Variants in HHIPL1 observed in about 807,000 individuals in gnomAD.
The protein encoded by HHIPL1 is HHIP-like protein 1.
HHIPL1 carries 43 observed loss-of-function variants against 61.8 expected under a neutral mutation model. That is an observed-to-expected ratio of 0.70 (90% CI 0.55 to 0.90). The LOEUF is 0.90. Among genes scored for constraint, HHIPL1 ranks in the 40% least tolerant of loss-of-function variants. HHIPL1 has a pLI of 0.00. For missense variants in HHIPL1, 1,056 were observed against 1,157.7 expected, an observed-to-expected ratio of 0.91 and a Z score of 1.28; for synonymous variants, 482 against 515.8, an observed-to-expected ratio of 0.93 and a Z score of 0.89.
chr14:99,633,579 A>G, the HHIPL1 span, among the ~76,000 whole-genome samples: 2 of 152,324 alleles, frequency 1.3e-5, no homozygotes, highest in African/African-American at 4.8e-5. Flanking sequence ...TTGGATTTGC[A>G]CTGCGGAGGG....
At chr14:99,645,775 C>T (rs1223145233) in intron 1 of HHIPL1, among the ~76,000 whole-genome samples, 1 of 152,218 alleles carries the variant, frequency 6.6e-6, no homozygotes, top group Non-Finnish European at 1.5e-5. Flanking sequence ...TGCCCCAGTC[C>T]CCTGGAGTCG....
the HHIPL1 span, among the ~76,000 whole-genome samples, chr14:99,613,062 C>T: frequency 2.6e-5 from 4 of 152,126 alleles, no homozygotes; most frequent in African/African-American, 9.7e-5. Flanking sequence ...CCTCCCAGCC[C>T]CCTCCTGTTT....
upstream of HHIPL1, among the ~76,000 whole-genome samples, chr14:99,641,507 A>G (rs1225579149): frequency 6.7e-6 from 1 of 150,336 alleles, no homozygotes; most frequent in Non-Finnish European, 1.5e-5. Flanking sequence ...TCCACCTCCC[A>G]GGTTCAAGCA....
chr14:99,660,416 C>G lies in HHIPL1; in HGVS notation c.1502+10C>G. On this transcript the variant is annotated intron_variant, in intron 5 of 8. Transcript: ENST00000330710. This position sits in a 1 kb window ranked among gnomAD's most constrained non-coding sequence, Gnocchi z 4.9. ...GGGATTTCATGAGCGGGTAAGTGAC[C>G]TAGTGCCCTCGCGCCCCTGGCTGCT... The G allele has an allele frequency of 4.4e-6, 7 of 1,608,140 alleles. No individual in the cohort carries two copies. Among genetic ancestry groups the G allele is most frequent in the Non-Finnish European group, 5.1e-6 (6 of 1,175,838 alleles).
rs1176476983 is a variant in HHIPL1, at chr14:99,659,317, A to G, written c.1047-111A>G. 7.4e-6 allele frequency: 6 copies of G among 815,250 alleles called. No homozygotes were observed. In the Admixed American group the frequency reaches 2.4e-4, roughly 33 times the overall value. The allele number at this position is 815,250 out of a possible 1,614,324, so 50.5% of individuals were successfully genotyped here. A position where few individuals can be genotyped will look rare whatever the true frequency, so the allele number is the denominator to read the frequency against. On this transcript the variant is annotated intron_variant, in intron 3 of 8. Transcript: ENST00000330710. ...GTCTCTGGCCCCACAGCCTAGGCTCACCCTGCACCTGGCTCAGCGGTCAGC... is the reference window on the plus strand; with the variant it reads ...GTCTCTGGCCCCACAGCCTAGGCTCGCCCTGCACCTGGCTCAGCGGTCAGC...
At chr14:99,650,953 A>G (rs530065147) in intron 1 of HHIPL1, among the ~76,000 whole-genome samples, 1 of 149,668 alleles carries the variant, frequency 6.7e-6, no homozygotes, top group African/African-American at 2.4e-5. Flanking sequence ...TCTCATCGCT[A>G]TAAAGAAATA....
the HHIPL1 span, among the ~76,000 whole-genome samples, chr14:99,627,366 A>ATCCATCCATCCG: frequency 0.011 from 1,687 of 151,712 alleles, 39 homozygotes; most frequent in African/African-American, 0.039. This position sits in a 1 kb window ranked among gnomAD's most constrained non-coding sequence, Gnocchi z 4.4. Flanking sequence ...CCATCCATCC[A>ATCCATCCATCCG]TCCGTCCATC....
In HHIPL1 at chr14:99,675,555, G is replaced by C. The variant is rs1236823459; in HGVS notation, c.2278G>C (p.Val760Leu). The C allele has an allele frequency of 2.6e-6, 4 of 1,539,210 alleles. No individual in the cohort carries two copies. Among genetic ancestry groups the C allele is most frequent in the East Asian group, 4.9e-5 (2 of 40,828 alleles). The change falls in exon 9 of 9, where the codon GTG becomes CTG. Residue 760 changes from valine (V) to leucine (L), a missense_variant. Val to Leu is a conservative substitution (Grantham distance 32). Transcript: ENST00000330710. The surrounding 1 kb of genome is among the most constrained non-coding windows in gnomAD (Gnocchi z 5.4). ...CCTGCTGGAGTGCCAGCACAACGGC[G>C]TGGGCACCCACAACTGCGAGCACGA... ...RNLLECQHNG[V>L]GTHNCEHDED...
intron 1 of HHIPL1, among the ~76,000 whole-genome samples, chr14:99,649,806 CAAAT>C (rs1037780197): frequency 2.6e-5 from 4 of 152,160 alleles, no homozygotes; most frequent in Non-Finnish European, 5.9e-5. Context: ...AAAAAATAAA[CAAAT>C]AAAATAAAAT....
intron 8 of HHIPL1, 132 bp from the exon 9 acceptor site, chr14:99,674,959 T>G (rs2056369328): frequency 8.4e-6 from 3 of 356,122 alleles, no homozygotes; most frequent in Non-Finnish European, 1.2e-5. Flanking sequence ...TGGGTGTGAG[T>G]GCAGGACAGA....
At chr14:99,620,959 C>A in the HHIPL1 span, among the ~76,000 whole-genome samples, 1 of 152,244 alleles carries the variant, frequency 6.6e-6, no homozygotes, top group African/African-American at 2.4e-5. Flanking sequence ...CTGTCCCAGG[C>A]TCAAGGTAGT....
In HHIPL1 at chr14:99,645,182, C is replaced by T; in HGVS notation, c.-26C>T. The T allele has an allele frequency of 1.6e-6, 2 of 1,264,218 alleles. No individual in the cohort carries two copies. The highest frequency in any genetic ancestry group is 2.8e-5 in the South Asian group (1 of 36,108). The allele number at this position is 1,264,218 out of a possible 1,614,324, so 78.3% of individuals were successfully genotyped here. A position where few individuals can be genotyped will look rare whatever the true frequency, so the allele number is the denominator to read the frequency against. ...GAGGGGACCGGGGCTGCCGTCCCTC[C>T]GCCTCTTCCCCCGCGGGGCGTAGCG... On this transcript the variant is annotated 5_prime_UTR_variant, in exon 1 of 9. Coordinates refer to ENST00000330710, the MANE Select transcript of HHIPL1 (RefSeq NM_001127258.3).
chr14:99,606,004 C>G, the HHIPL1 span, among the ~76,000 whole-genome samples: 4 of 152,164 alleles, frequency 2.6e-5, no homozygotes, highest in Admixed American at 2.6e-4. Flanking sequence ...AGCAACATGA[C>G]CTGGTTTACC....
chr14:99,645,547 G>T, intron 1 of HHIPL1, 85 bp downstream of exon 1: 1 of 1,211,388 alleles, frequency 8.3e-7, no homozygotes, highest in East Asian at 3.4e-5. Context: ...GGGGGCGAGG[G>T]CCAAGAGTGG....
At chr14:99,656,968 G>T (rs757386964) in intron 2 of HHIPL1, 32 bp from the exon 3 acceptor site, 1 of 1,556,318 alleles carries the variant, frequency 6.4e-7, no homozygotes, top group African/African-American at 1.4e-5. Context: ...TGCGTGGAAG[G>T]CTGAGTTTTA....
At chr14:99,638,303 C>T in the HHIPL1 span, among the ~76,000 whole-genome samples, 1 of 152,192 alleles carries the variant, frequency 6.6e-6, no homozygotes, top group African/African-American at 2.4e-5. Context: ...ACAGATTCAC[C>T]AACACCTTGG....
chr14:99,654,349 A>G (rs952237382), intron 2 of HHIPL1, among the ~76,000 whole-genome samples: 2 of 152,196 alleles, frequency 1.3e-5, no homozygotes, highest in African/African-American at 4.8e-5. Flanking sequence ...CACCCAGTGG[A>G]AGCTGGAGCC....
At chr14:99,616,417 C>A in the HHIPL1 span, among the ~76,000 whole-genome samples, 1 of 152,122 alleles carries the variant, frequency 6.6e-6, no homozygotes, top group Non-Finnish European at 1.5e-5. Flanking sequence ...TATGGTGTAG[C>A]ATTATTGGGA....
the HHIPL1 span, among the ~76,000 whole-genome samples, chr14:99,629,226 G>T: frequency 6.6e-6 from 1 of 152,226 alleles, no homozygotes; most frequent in Non-Finnish European, 1.5e-5. Flanking sequence ...CCAGGGGACT[G>T]TTTCATATCA....
Sources: gnomAD v4.1 joint callset for allele counts (sites outside exome capture counted in the v4.1 genomes callset) on GRCh38, gnomAD v4.1.1 for gene constraint, Gnocchi (gnomAD v3.1) non-coding constraint, MANE v1.5 for transcripts, NCBI Gene and HGNC (gene_info 2026-07-23, HGNC 2026-07-21) for gene names.